The following NOTUM variants were observed in gnomAD, a reference collection of about 807,000 sequenced individuals.
NOTUM encodes notum, palmitoleoyl-protein carboxylesterase.
NOTUM carries 36 observed loss-of-function variants against 65.5 expected under a neutral mutation model. That is an observed-to-expected ratio of 0.55 (90% CI 0.42 to 0.73). The LOEUF (loss-of-function observed/expected upper bound fraction) is 0.73. NOTUM is among the 30% of genes least tolerant of loss of function. NOTUM has a pLI of 0.00. For synonymous variants in NOTUM, 356 were observed against 297.9 expected (o/e 1.20, Z -2.01); for missense variants, 659 against 694.2 (o/e 0.95, Z 0.57).
rs1233930870 is a variant in NOTUM, at chr17:81,956,654, C to T, written c.984G>A (p.Leu328=). 3 of 1,609,144 alleles carry T rather than the reference C, an allele frequency of 1.9e-6. No homozygotes were observed. Among genetic ancestry groups the T allele is most frequent in the Non-Finnish European group, 2.6e-6 (3 of 1,176,456 alleles). ...TCCGCTCTGCCGCCCACTCACAGCG[C>T]AGGGTCGGGTAGACCTTGTAGCCAA... ...CFFGYKVYPT[L]RCPVFVVQWL... Residue 328 remains leucine, a synonymous_variant, in exon 8 of 11, where the codon CTG becomes CTA. Transcript: ENST00000409678.
At chr17:81,959,398 G>C in intron 3 of NOTUM, 73 bp downstream of exon 3, 1 of 1,187,376 alleles carries the variant, frequency 8.4e-7, no homozygotes, top group Non-Finnish European at 1.2e-6. Context: ...GGCCTGGCTG[G>C]GGCTCCAGGA....
intron 6 of NOTUM, among the ~76,000 whole-genome samples, chr17:81,957,457 G>A (rs1473352618): frequency 6.6e-6 from 1 of 152,106 alleles, no homozygotes; most frequent in Non-Finnish European, 1.5e-5. Flanking sequence ...CCACAGGGGT[G>A]ATCCTCATCT....
chr17:81,953,150 G>A lies in NOTUM; in HGVS notation c.1302C>T (p.Val434=). The stretch of plus-strand genomic sequence containing the variant: ...GCCAGGGGCAGCTGTCCACCAGGTG[G>A]ACGGGGCAGCCCTTGAGGGGGGTCT... ...ASKTPLKGCP[V]HLVDSCPWPH... is the part of the protein sequence containing the mutation. Residue 434 remains valine (V), a synonymous_variant, in exon 11 of 11, where the codon GTC becomes GTT. Transcript: ENST00000409678. 15 of 1,613,184 alleles carry A rather than the reference G, an allele frequency of 9.3e-6. No homozygotes were observed. The highest frequency in any genetic ancestry group is 1.3e-5 in the Non-Finnish European group (15 of 1,179,434).
Position 81,960,865 on chromosome 17 carries a change from G to C in NOTUM, c.45C>G (p.His15Gln), listed in dbSNP as rs532146395. Residue 15 changes from histidine to glutamine, a missense_variant, in exon 1 of 11, where the codon CAC (histidine) becomes CAG (glutamine). His to Gln is a conservative substitution (Grantham distance 24). Coordinates refer to ENST00000409678, the MANE Select transcript of NOTUM (RefSeq NM_178493.6). This position sits in a 1 kb window ranked among gnomAD's most constrained non-coding sequence, Gnocchi z 6.4. ...TCCTGCCCTCGCTGCCCCCGGCGCAGTGCAGCAGGCTCAGCAGCAGCAGCA... is the reference window on the plus strand; with the variant it reads ...TCCTGCCCTCGCTGCCCCCGGCGCACTGCAGCAGGCTCAGCAGCAGCAGCA... The part of the protein sequence containing the change: ...VRVLLLLSLL[H>Q]CAGGSEGRKT... The C allele has an allele frequency of 1.2e-5, 17 of 1,443,946 alleles. No individual in the cohort carries two copies. Among genetic ancestry groups the C allele is most frequent in the Non-Finnish European group, 1.5e-5 (16 of 1,102,818 alleles). 89.4% of individuals were successfully genotyped at this position (1,443,946 alleles called of 1,614,324 possible).
In NOTUM at chr17:81,959,483, G is replaced by C; in HGVS notation, c.460C>G (p.Arg154Gly). The C allele has an allele frequency of 1.3e-6, 2 of 1,547,516 alleles. No homozygotes were observed. The highest frequency in any genetic ancestry group is 1.4e-5 in the African/African-American group (1 of 73,054). Residue 154 changes from arginine (R) to glycine (G), a missense_variant, in exon 3 of 11, where the codon CGC becomes GGC. By Grantham distance (125) the Arg-to-Gly change is moderately radical. Transcript: ENST00000409678. Reference protein sequence around the residue: ...RRLMSSRDWPRTRTGTGILSS... With the variant: ...RRLMSSRDWPGTRTGTGILSS... ...GCCCGCCGCTGACCTGTGCGAGTGCGCGGCCAGTCCCGGGAGCTCATGAGG... is the reference window on the plus strand; with the variant it reads ...GCCCGCCGCTGACCTGTGCGAGTGCCCGGCCAGTCCCGGGAGCTCATGAGG...
intron 5 of NOTUM, 60 bp from the exon 6 acceptor site, chr17:81,957,968 C>G: frequency 8.1e-7 from 1 of 1,238,042 alleles, no homozygotes; most frequent in Non-Finnish European, 1.2e-6. Flanking sequence ...CACCTCCTAC[C>G]CCAGAATGGC....
intron 6 of NOTUM, among the ~76,000 whole-genome samples, chr17:81,957,605 C>A (rs1232691587): frequency 2.6e-5 from 4 of 152,176 alleles, no homozygotes; most frequent in Non-Finnish European, 4.4e-5. Context: ...GGTTACCCAG[C>A]ACTCTGAAGC....
chr17:81,953,668 A>G (rs1331994159), intron 10 of NOTUM, among the ~76,000 whole-genome samples: 1 of 151,340 alleles, frequency 6.6e-6, no homozygotes, highest in Non-Finnish European at 1.5e-5. Flanking sequence ...CAGTGGTGTG[A>G]TCACTGCTCA....
At chr17:81,953,772 CTTTT>C (rs35740276) in intron 10 of NOTUM, among the ~76,000 whole-genome samples, 1 of 141,552 alleles carries the variant, frequency 7.1e-6, no homozygotes, top group Non-Finnish European at 1.5e-5. Context: ...CAGCCTGAGT[CTTTT>C]TTTTTTTTTC....
In NOTUM at chr17:81,954,293, C is replaced by A. The variant is rs759563639; in HGVS notation, c.1147G>T (p.Ala383Ser). 1 of 1,613,024 alleles carries A rather than the reference C, an allele frequency of 6.2e-7. No homozygotes were observed. Among genetic ancestry groups the A allele is most frequent in the South Asian group, 1.1e-5 (1 of 91,032 alleles). The change falls in exon 10 of 11, where the codon GCC (alanine) becomes TCC (serine). Residue 383 changes from alanine to serine, a missense_variant. Ala to Ser is a moderately conservative substitution (Grantham distance 99, BLOSUM62 1). Coordinates refer to ENST00000409678, the MANE Select transcript of NOTUM (RefSeq NM_178493.6). ...HTLKDVPASF[A>S]PACLSHEIII... ...ATCTCATGGGAGAGGCAGGCGGGGG[C>A]AAAGCTGGCCCTGTTGGAGAGGAGA...
chr17:81,953,335 T>A (rs2041402342), intron 10 of NOTUM, 68 bp from the exon 11 acceptor site: 33 of 1,032,946 alleles, frequency 3.2e-5, no homozygotes, highest in South Asian at 1.4e-4. Context: ...CAGCTGTTTT[T>A]TTTTTTGAGA....
rs971272264 is a variant in NOTUM at position 81,961,004 on chromosome 17, G to A, written c.-95C>T. On this transcript the variant is annotated 5_prime_UTR_variant, in exon 1 of 11. Transcript: ENST00000409678. Reference sequence around the variant, plus strand: ...GGGGTGCCGGGCCGGGGGTGTCGGGGGCACTGGCCGCTCCTGCTCCCTCGC... The same window carrying A: ...GGGGTGCCGGGCCGGGGGTGTCGGGAGCACTGGCCGCTCCTGCTCCCTCGC... The A allele has an allele frequency of 3.6e-6, 2 of 551,216 alleles. No homozygotes were observed. The highest frequency in any genetic ancestry group is 4.0e-5 in the African/African-American group (2 of 49,428). 34.1% of individuals were successfully genotyped at this position (551,216 alleles called of 1,614,324 possible). A position where few individuals can be genotyped will look rare whatever the true frequency, so the allele number is the denominator to read the frequency against.
Position 81,952,712 on chromosome 17 carries a change from A to C in NOTUM, c.*249T>G, listed in dbSNP as rs2041396253. On this transcript the variant is annotated 3_prime_UTR_variant, in exon 11 of 11. Coordinates refer to ENST00000409678, the MANE Select transcript of NOTUM (RefSeq NM_178493.6). Reference sequence around the variant, plus strand: ...GGAATCCAGTGCTTCTCTTCTGGCTACCCCCTCGTTGTCAGGAAGGACCCC... The same window carrying C: ...GGAATCCAGTGCTTCTCTTCTGGCTCCCCCCTCGTTGTCAGGAAGGACCCC... 2.1e-5 allele frequency: 12 copies of C among 560,612 alleles called. No homozygotes were observed. Among genetic ancestry groups the C allele is most frequent in the Non-Finnish European group, 3.5e-5 (11 of 314,984 alleles). 34.7% of individuals were successfully genotyped at this position (560,612 alleles called of 1,614,324 possible). A position where few individuals can be genotyped will look rare whatever the true frequency, so the allele number is the denominator to read the frequency against.
At position 81,958,955 on chromosome 17, in the gene NOTUM, G is replaced by C; in HGVS notation, c.513C>G (p.Tyr171Ter). 6.2e-7 allele frequency: 1 copy of C among 1,613,154 alleles called. No individual in the cohort carries two copies. The highest frequency in any genetic ancestry group is 1.3e-5 in the African/African-American group (1 of 75,040). Residue 171 changes from tyrosine to a stop codon, truncating the protein, a stop_gained, in exon 4 of 11, where the codon TAC becomes TAG. Transcript: ENST00000409678. LOFTEE classifies it high-confidence loss of function. ...CTTACACCATGTTTGCGTTCCACCA[G>C]TAGGGGTTCTCCTCCGGCTGTGAGG... ...ILSSQPEENP[Y>*]WWNANMVFIP...
chr17:81,958,800 G>T, intron 4 of NOTUM, 135 bp downstream of exon 4: 1 of 684,540 alleles, frequency 1.5e-6, no homozygotes, highest in South Asian at 1.8e-5. Context: ...TCTAGGACAG[G>T]ACCTCCCCAA....
rs1335746773 is a variant in NOTUM, at chr17:81,958,989, C to G, written c.479G>C (p.Gly160Ala). 1 of 1,612,952 alleles carries G rather than the reference C, an allele frequency of 6.2e-7. No homozygotes were observed. The highest frequency in any genetic ancestry group is 8.5e-7 in the Non-Finnish European group (1 of 1,179,680). Residue 160 changes from glycine to alanine, a missense_variant, in exon 4 of 11, where the codon GGG becomes GCG. Coordinates refer to ENST00000409678, the MANE Select transcript of NOTUM (RefSeq NM_178493.6). ...CTCCTCCGGCTGTGAGGACAGGATC[C>G]CTGTGCCTGGGGACACAGAGGCGGT... is the stretch of plus-strand genomic sequence containing the variant. Reference protein sequence around the residue: ...RDWPRTRTGTGILSSQPEENP... With the variant: ...RDWPRTRTGTAILSSQPEENP...
Position 81,961,043 on chromosome 17 carries a change from C to T in NOTUM, c.-134G>A. 3.3e-6 allele frequency: 1 copy of T among 298,548 alleles called. No individual in the cohort carries two copies. Among genetic ancestry groups the T allele is most frequent in the Non-Finnish European group, 5.2e-6 (1 of 190,950 alleles). The allele number at this position is 298,548 out of a possible 1,614,324, so 18.5% of individuals were successfully genotyped here. On this transcript the variant is annotated 5_prime_UTR_variant, in exon 1 of 11. Transcript: ENST00000409678. Reference sequence around the variant, plus strand: ...CTGCTCCCTCGCCCCCGCTCCCGCCCGCCGGGCCTGGCGGAGAAGGCGCGC... The same window carrying T: ...CTGCTCCCTCGCCCCCGCTCCCGCCTGCCGGGCCTGGCGGAGAAGGCGCGC...
At chr17:81,959,261 G>A (rs1379327416) in intron 3 of NOTUM, 2 of 610,396 alleles carry the variant, frequency 3.3e-6, no homozygotes, top group Admixed American at 2.9e-5. Context: ...TGACCCTGGG[G>A]AGGGCCAGAG....
Position 81,960,838 on chromosome 17 carries a change from C to T in NOTUM, c.72G>A (p.Lys24=), listed in dbSNP as rs2041470632. ...GCTGCTGACCCCGGCGCCGCCAGGT[C>T]TTCCTGCCCTCGCTGCCCCCGGCGC... The part of the protein sequence containing the change: ...LHCAGGSEGR[K]TWRRRGQQPP... The change falls in exon 1 of 11, where the codon AAG becomes AAA. Residue 24 remains lysine, a synonymous_variant. Transcript: ENST00000409678. This position sits in a 1 kb window ranked among gnomAD's most constrained non-coding sequence, Gnocchi z 6.4. 2 of 1,509,544 alleles carry T rather than the reference C, an allele frequency of 1.3e-6. No homozygotes were observed. Among genetic ancestry groups the T allele is most frequent in the African/African-American group, 1.4e-5 (1 of 71,588 alleles). The allele number at this position is 1,509,544 out of a possible 1,614,324, so 93.5% of individuals were successfully genotyped here. A position where few individuals can be genotyped will look rare whatever the true frequency, so the allele number is the denominator to read the frequency against.
Sources: gnomAD v4.1 joint callset for allele counts (sites outside exome capture counted in the v4.1 genomes callset) on GRCh38, gnomAD v4.1.1 for gene constraint, Gnocchi (gnomAD v3.1) non-coding constraint, MANE v1.5 for transcripts, NCBI Gene and HGNC (gene_info 2026-07-23, HGNC 2026-07-21) for gene names.